The following BBOX1 variants were observed in gnomAD, a reference collection of about 807,000 sequenced individuals.
BBOX1 encodes gamma-butyrobetaine hydroxylase 1, also known as gamma-butyrobetaine dioxygenase.
Under a neutral mutation model 41.6 loss-of-function variants are expected in BBOX1, and 35 were observed. The observed-to-expected ratio is 0.84, with a 90% CI of 0.64 to 1.11. The LOEUF (loss-of-function observed/expected upper bound fraction) is 1.11. Among genes scored for constraint, BBOX1 ranks in the 50% most tolerant of loss-of-function variants. The probability of loss-of-function intolerance (pLI) is 0.00; values close to 1 mark genes in which losing one functional copy is unlikely to be tolerated. For synonymous variants in BBOX1, 163 were observed against 154.7 expected (o/e 1.05, Z -0.40); for missense variants, 458 against 460.6 (o/e 0.99, Z 0.05).
At chr11:27,085,017 C>A (rs1477632504) in intron 4 of BBOX1, among the ~76,000 whole-genome samples, 3 of 152,100 alleles carry the variant, frequency 2.0e-5, no homozygotes, top group Admixed American at 1.3e-4. Context: ...TTAATGTATT[C>A]TCCTGATAAA....
At chr11:27,113,719 T>C (rs1227545212) in intron 5 of BBOX1, among the ~76,000 whole-genome samples, 1 of 151,540 alleles carries the variant, frequency 6.6e-6, no homozygotes, top group Non-Finnish European at 1.5e-5. Flanking sequence ...ATATATTACC[T>C]GAGTGACAAA....
intron 4 of BBOX1, among the ~76,000 whole-genome samples, chr11:27,066,121 T>A (rs1406298811): frequency 6.6e-6 from 1 of 152,204 alleles, no homozygotes; most frequent in Admixed American, 6.6e-5. Context: ...TATTACTTTT[T>A]AAACAAGGAA....
chr11:27,089,217 G>A (rs941657087), intron 4 of BBOX1, among the ~76,000 whole-genome samples: 13 of 135,050 alleles, frequency 9.6e-5, no homozygotes, highest in African/African-American at 3.3e-4. Context: ...AAACACTTTA[G>A]TGCCTCTGTT....
intron 4 of BBOX1, among the ~76,000 whole-genome samples, chr11:27,059,600 C>T (rs1274847008): frequency 1.3e-5 from 2 of 152,150 alleles, no homozygotes; most frequent in African/African-American, 4.8e-5. Flanking sequence ...ATGGAAAAGC[C>T]ACAGGCACTC....
intron 5 of BBOX1, among the ~76,000 whole-genome samples, chr11:27,096,583 G>T (rs777955326): frequency 6.6e-6 from 1 of 151,878 alleles, no homozygotes; most frequent in Non-Finnish European, 1.5e-5. Context: ...TACCCACCTC[G>T]CACTTTGCCA....
At chr11:27,048,311 A>C (rs75583649) in intron 2 of BBOX1, among the ~76,000 whole-genome samples, 2,879 of 152,140 alleles carry the variant, frequency 0.019, 95 homozygotes, top group African/African-American at 0.067. Flanking sequence ...GACTTCTATG[A>C]GTTTGGCATT....
chr11:27,063,587 T>A (rs567946597), intron 4 of BBOX1, among the ~76,000 whole-genome samples: 1 of 151,576 alleles, frequency 6.6e-6, no homozygotes, highest in Admixed American at 6.6e-5. Context: ...TTGAAGAAAA[T>A]ATTTTATTTC....
intron 6 of BBOX1, 55 bp downstream of exon 6, chr11:27,115,612 C>T (rs187893299): frequency 2.6e-5 from 38 of 1,466,794 alleles, no homozygotes; most frequent in South Asian, 7.3e-5. Context: ...AGTATCTTTT[C>T]GTATTTTGAG....
chr11:27,081,578 G>A (rs1421986012), intron 4 of BBOX1, among the ~76,000 whole-genome samples: 3 of 152,054 alleles, frequency 2.0e-5, no homozygotes, highest in Admixed American at 6.6e-5. Context: ...CATAGTAATG[G>A]GATTGCTGGA....
rs543555132 is a variant in BBOX1 at position 27,105,878 on chromosome 11, C to A, written c.534-9574C>A. The stretch of plus-strand genomic sequence containing the variant: ...TACCCACAAAGGGAAGCCCATCAGA[C>A]TAAGAGTGGGTCTCTCGGCAGAAAC... On this transcript the variant is annotated intron_variant, in intron 5 of 8. Coordinates refer to ENST00000263182, the MANE Select transcript of BBOX1 (RefSeq NM_003986.3). Among the ~76,000 whole-genome samples, 10 of 152,244 alleles carry A rather than the reference C, an allele frequency of 6.6e-5. No homozygotes were observed. The East Asian group carries it at 1.7e-3, about 27-fold the overall frequency.
chr11:27,123,179 A>G (rs1404099068), intron 7 of BBOX1, among the ~76,000 whole-genome samples: 1 of 152,148 alleles, frequency 6.6e-6, no homozygotes, highest in South Asian at 2.1e-4. Context: ...TCTCAGATAA[A>G]CAGTAGGTAA....
chr11:27,101,832 T>G (rs1858672311), intron 5 of BBOX1, among the ~76,000 whole-genome samples: 1 of 152,152 alleles, frequency 6.6e-6, no homozygotes, highest in Non-Finnish European at 1.5e-5. Context: ...CATAGTTATC[T>G]TTATATTTTG....
chr11:27,087,702 AC>A (rs1258491092), intron 4 of BBOX1, among the ~76,000 whole-genome samples: 3 of 152,042 alleles, frequency 2.0e-5, no homozygotes, highest in Non-Finnish European at 4.4e-5. Context: ...CTGGTTAGTC[AC>A]AGCAGCGTCT....
intron 4 of BBOX1, among the ~76,000 whole-genome samples, chr11:27,081,517 C>A (rs1396438896): frequency 6.6e-6 from 1 of 152,084 alleles, no homozygotes; most frequent in African/African-American, 2.4e-5. Flanking sequence ...AATAAACATA[C>A]GTGTGCATGT....
intron 4 of BBOX1, among the ~76,000 whole-genome samples, chr11:27,073,133 C>T (rs1471757051): frequency 2.0e-5 from 3 of 152,124 alleles, no homozygotes; most frequent in African/African-American, 7.2e-5. Context: ...AGGCAACCTA[C>T]AGAATGGGAG....
At chr11:27,074,352 T>G (rs929810146) in intron 4 of BBOX1, among the ~76,000 whole-genome samples, 1 of 151,860 alleles carries the variant, frequency 6.6e-6, no homozygotes, top group Non-Finnish European at 1.5e-5. Context: ...GAAATGACTT[T>G]GGAAACAAGC....
intron 2 of BBOX1, among the ~76,000 whole-genome samples, chr11:27,052,484 A>G (rs908222827): frequency 2.0e-5 from 3 of 152,080 alleles, no homozygotes; most frequent in African/African-American, 4.8e-5. Context: ...CTTGCTATGC[A>G]TGGTGCTTCA....
intron 4 of BBOX1, among the ~76,000 whole-genome samples, chr11:27,064,789 T>C (rs1019099487): frequency 1.4e-4 from 22 of 151,902 alleles, no homozygotes; most frequent in Admixed American, 7.9e-4. Flanking sequence ...GATGAAATCA[T>C]AGGGGGTCAA....
intron 5 of BBOX1, among the ~76,000 whole-genome samples, chr11:27,111,951 A>G: frequency 6.6e-6 from 1 of 151,522 alleles, no homozygotes; most frequent in East Asian, 1.9e-4. Flanking sequence ...GAACATGAAC[A>G]TGTACAAACA....
Sources: gnomAD v4.1 joint callset for allele counts (sites outside exome capture counted in the v4.1 genomes callset) on GRCh38, gnomAD v4.1.1 for gene constraint, MANE v1.5 for transcripts, NCBI Gene and HGNC (gene_info 2026-07-23, HGNC 2026-07-21) for gene names.